The following SNTB1 variants were observed in gnomAD, a reference collection of about 807,000 sequenced individuals.
SNTB1 encodes beta-1-syntrophin.
In SNTB1, 36 loss-of-function variants were observed where a neutral mutation model predicts 48.9. That is an observed-to-expected ratio of 0.74 (90% CI 0.56 to 0.97). The LOEUF (loss-of-function observed/expected upper bound fraction) is 0.97, where lower values mean the gene tolerates loss of function less well. SNTB1 is among the 50% of genes least tolerant of loss of function. The pLI is 0.00. For missense variants in SNTB1, 786 were observed against 703.4 expected, an observed-to-expected ratio of 1.12 and a Z score of -1.33; for synonymous variants, 299 against 294.6, an observed-to-expected ratio of 1.01 and a Z score of -0.15.
chr8:120,620,550 A>G (rs934305612), intron 3 of SNTB1, among the ~76,000 whole-genome samples: 1 of 151,886 alleles, frequency 6.6e-6, no homozygotes, highest in African/African-American at 2.4e-5. Context: ...CTTGACCCCA[A>G]TTTTATTTCT....
intron 3 of SNTB1, among the ~76,000 whole-genome samples, chr8:120,591,000 A>G (rs973522973): frequency 1.3e-5 from 2 of 152,100 alleles, no homozygotes; most frequent in African/African-American, 4.8e-5. Flanking sequence ...ATAGGCTTCA[A>G]CCTAACACAT....
At chr8:120,683,900 T>C (rs1447847930) in intron 2 of SNTB1, among the ~76,000 whole-genome samples, 2 of 152,228 alleles carry the variant, frequency 1.3e-5, no homozygotes, top group Non-Finnish European at 2.9e-5. Flanking sequence ...CATTAAGTCA[T>C]CTAATCATAA....
intron 2 of SNTB1, among the ~76,000 whole-genome samples, chr8:120,669,983 A>C (rs1295419182): frequency 6.6e-6 from 1 of 152,166 alleles, no homozygotes; most frequent in Non-Finnish European, 1.5e-5. Flanking sequence ...ATACCTTCTC[A>C]ATTTGACTTT....
chr8:120,684,876 G>T (rs907089707), intron 2 of SNTB1, among the ~76,000 whole-genome samples: 1 of 152,090 alleles, frequency 6.6e-6, no homozygotes, highest in African/African-American at 2.4e-5. Flanking sequence ...GGCTGGTCTT[G>T]AACTCCTGAC....
chr8:120,771,892 A>G (rs1819641825), intron 1 of SNTB1, among the ~76,000 whole-genome samples: 1 of 152,060 alleles, frequency 6.6e-6, no homozygotes, highest in African/African-American at 2.4e-5. Flanking sequence ...GTTTTGAGAC[A>G]AGGTTTCACT....
chr8:120,811,881 G>C lies in SNTB1; in HGVS notation c.-38C>G. 7.6e-7 allele frequency: 1 copy of C among 1,312,814 alleles called. No homozygotes were observed. The allele number at this position is 1,312,814 out of a possible 1,614,324, so 81.3% of individuals were successfully genotyped here. ...CTTAAAATGCCATGTGATTGGAAAAGGGGGGAAAAGTGGGGAAGGGTGGCC... is the reference window on the plus strand; with the variant it reads ...CTTAAAATGCCATGTGATTGGAAAACGGGGGAAAAGTGGGGAAGGGTGGCC... On this transcript the variant is annotated 5_prime_UTR_variant, in exon 1 of 7. Coordinates refer to ENST00000517992, the MANE Select transcript of SNTB1 (RefSeq NM_021021.4).
Position 120,811,693 on chromosome 8 carries a change from C to A in SNTB1, c.151G>T (p.Glu51Ter). The change falls in exon 1 of 7, where the codon GAG (glutamate) becomes TAG (stop). Residue 51 changes from glutamate to a stop codon, truncating the protein, a stop_gained. Transcript: ENST00000517992. LOFTEE classifies it high-confidence loss of function. The stretch of plus-strand genomic sequence containing the variant: ...CCGTTGTACGCCGCAGCGCCCTCCT[C>A]GCTGCTCAGAACCAGGGCGTCCTCG... Reference protein sequence around the residue: ...LSEDALVLSSEEGAAAYNGIG... With the variant: ...LSEDALVLSS The A allele has an allele frequency of 3.1e-6, 5 of 1,588,590 alleles. No homozygotes were observed. The highest frequency in any genetic ancestry group is 4.3e-6 in the Non-Finnish European group (5 of 1,171,526).
At chr8:120,678,101 A>G (rs1817868298) in intron 2 of SNTB1, among the ~76,000 whole-genome samples, 2 of 152,204 alleles carry the variant, frequency 1.3e-5, no homozygotes, top group Non-Finnish European at 2.9e-5. Flanking sequence ...ACACCACATT[A>G]TAAGTGAAAG....
intron 2 of SNTB1, among the ~76,000 whole-genome samples, chr8:120,666,851 T>A (rs1365973897): frequency 2.6e-5 from 4 of 152,180 alleles, no homozygotes; most frequent in Admixed American, 1.3e-4. Flanking sequence ...CCATTTGGTA[T>A]GTTTTCCATC....
chr8:120,803,718 A>G (rs1003085024), intron 1 of SNTB1, among the ~76,000 whole-genome samples: 1 of 152,174 alleles, frequency 6.6e-6, no homozygotes, highest in Non-Finnish European at 1.5e-5. Context: ...GAAATAAGGA[A>G]CTGAAGGGCT....
rs1180517693 is a variant in SNTB1 at position 120,811,409 on chromosome 8, C to G, written c.435G>C (p.Gly145=). 4.3e-6 allele frequency: 7 copies of G among 1,614,020 alleles called. No individual in the cohort carries two copies. Among genetic ancestry groups the G allele is most frequent in the South Asian group, 2.2e-5 (2 of 91,082 alleles). The change falls in exon 1 of 7, where the codon GGG becomes GGC. Residue 145 remains glycine (G), a synonymous_variant. Transcript: ENST00000517992. ...MPILISKIFK[G]LAADQTQALY... ...GGGCTTGGGTCTGGTCCGCCGCCAG[C>G]CCCTTGAAGATCTTGCTGATGAGGA... is the stretch of plus-strand genomic sequence containing the variant.
rs1332069586 is a variant in SNTB1, at chr8:120,811,644, G to C, written c.200C>G (p.Ser67Trp). 1.9e-6 allele frequency: 3 copies of C among 1,594,100 alleles called. No individual in the cohort carries two copies. The highest frequency in any genetic ancestry group is 2.6e-6 in the Non-Finnish European group (3 of 1,173,792). The change falls in exon 1 of 7, where the codon TCG (serine) becomes TGG (tryptophan). Residue 67 changes from serine to tryptophan, a missense_variant. Coordinates refer to ENST00000517992, the MANE Select transcript of SNTB1 (RefSeq NM_021021.4). ...YNGIGTATNG[S>W]FCRGAGAGHP... ...CCCAGCCCCGGCGCCCCTGCAGAAC[G>C]AGCCATTGGTGGCGGTCCCGATGCC...
chr8:120,580,650 T>C (rs1459076697), intron 3 of SNTB1, among the ~76,000 whole-genome samples: 1 of 152,192 alleles, frequency 6.6e-6, no homozygotes, highest in Non-Finnish European at 1.5e-5. Flanking sequence ...AACTTTTTAA[T>C]TGAAGTCTGT....
chr8:120,600,292 A>AG (rs1327395613), intron 3 of SNTB1, among the ~76,000 whole-genome samples: 3 of 152,236 alleles, frequency 2.0e-5, no homozygotes, highest in Non-Finnish European at 4.4e-5. Context: ...CACCATGCTG[A>AG]GAGAGGCCCA....
At chr8:120,763,894 C>T (rs59631348) in intron 1 of SNTB1, among the ~76,000 whole-genome samples, 15,015 of 151,944 alleles carry the variant, frequency 0.099, 2,441 homozygotes, top group African/African-American at 0.34. Flanking sequence ...TGGGGTCAAA[C>T]GATTCTCCTG....
intron 1 of SNTB1, among the ~76,000 whole-genome samples, chr8:120,802,675 A>G (rs1820248945): frequency 6.6e-6 from 1 of 152,180 alleles, no homozygotes; most frequent in African/African-American, 2.4e-5. Context: ...AACTGATACA[A>G]TTGAATGCTA....
intron 1 of SNTB1, among the ~76,000 whole-genome samples, chr8:120,808,161 C>T (rs774538587): frequency 2.0e-5 from 3 of 152,188 alleles, no homozygotes; most frequent in African/African-American, 4.8e-5. Flanking sequence ...GATCTGCCCA[C>T]CTCAGCTTCC....
At chr8:120,660,608 C>A (rs1817572651) in intron 2 of SNTB1, among the ~76,000 whole-genome samples, 1 of 152,190 alleles carries the variant, frequency 6.6e-6, no homozygotes. Flanking sequence ...GCTTTCTTAT[C>A]ATTTGCATTC....
chr8:120,618,969 G>A (rs1196694531), intron 3 of SNTB1, among the ~76,000 whole-genome samples: 2 of 151,984 alleles, frequency 1.3e-5, no homozygotes, highest in African/African-American at 2.4e-5. Context: ...TATGTTTAAG[G>A]TTCTAGTTTG....
Sources: gnomAD v4.1 joint callset for allele counts (sites outside exome capture counted in the v4.1 genomes callset) on GRCh38, gnomAD v4.1.1 for gene constraint, MANE v1.5 for transcripts, NCBI Gene and HGNC (gene_info 2026-07-23, HGNC 2026-07-21) for gene names.